Variants in RBFOX1 observed in about 807,000 individuals in gnomAD.
The protein encoded by RBFOX1 is RNA binding fox-1 homolog 1.
Under a neutral mutation model 57.7 loss-of-function variants are expected in RBFOX1, and 8 were observed. The ratio of observed to expected loss-of-function variants is 0.14; its 90% CI spans 0.08 to 0.25. RBFOX1 has a LOEUF of 0.25. RBFOX1 is among the 10% of genes least tolerant of loss of function. RBFOX1 has a pLI of 1.00. For missense variants in RBFOX1, 611 were observed against 548.5 expected (o/e 1.11, Z -1.14); for synonymous variants, 326 against 222.4 (o/e 1.47, Z -4.15).
chr16:5,690,232 C>T (rs1245696410), intron 3 of RBFOX1, among the ~76,000 whole-genome samples: 1 of 152,230 alleles, frequency 6.6e-6, no homozygotes, highest in African/African-American at 2.4e-5. Context: ...CCATGAGCTC[C>T]ACCTGAATGC....
chr16:7,054,603 G>T (rs1212392305), intron 4 of RBFOX1, among the ~76,000 whole-genome samples: 1 of 149,260 alleles, frequency 6.7e-6, no homozygotes, highest in Non-Finnish European at 1.5e-5. Flanking sequence ...GTAAATACCT[G>T]TCCATCTCAA....
intron 1 of RBFOX1, among the ~76,000 whole-genome samples, chr16:5,424,560 C>G (rs2067455477): frequency 6.7e-6 from 1 of 149,862 alleles, no homozygotes; most frequent in Non-Finnish European, 1.5e-5. Flanking sequence ...TATTTTATAG[C>G]TAACGCATGC....
At chr16:6,662,088 T>A (rs2098704875) in intron 3 of RBFOX1, among the ~76,000 whole-genome samples, 1 of 147,378 alleles carries the variant, frequency 6.8e-6, no homozygotes, top group Admixed American at 6.9e-5. Flanking sequence ...AAAGTGAAAC[T>A]CAAAGAAGCA....
At chr16:7,234,913 C>T (rs546316315) in intron 4 of RBFOX1, among the ~76,000 whole-genome samples, 52 of 152,148 alleles carry the variant, frequency 3.4e-4, no homozygotes, top group African/African-American at 1.2e-3. Context: ...CTCCCAATTC[C>T]ATTTTCAGAG....
chr16:7,378,609 A>C (rs1048185289), intron 4 of RBFOX1, among the ~76,000 whole-genome samples: 43 of 152,110 alleles, frequency 2.8e-4, no homozygotes, highest in Admixed American at 2.8e-3. Flanking sequence ...CATTAGGCAC[A>C]TTGTTTTTCT....
intron 4 of RBFOX1, among the ~76,000 whole-genome samples, chr16:7,393,891 A>G (rs1039519007): frequency 7.9e-5 from 12 of 152,166 alleles, no homozygotes; most frequent in Non-Finnish European, 1.8e-4. Context: ...CCACGTCAGC[A>G]GGAAGATGGT....
In RBFOX1 at chr16:6,873,848, C is replaced by G. The variant is rs539555213; in HGVS notation, c.-15-178209C>G. ...ACCGAGACTTTGAAACATTAAGTAA[C>G]TTGCATAAAGTCAGACAGCTAGGAA... On this transcript the variant is annotated intron_variant, in intron 3 of 15. Transcript: ENST00000550418. The G allele has an allele frequency of 7.2e-5, 11 of 152,222 alleles. No homozygotes were observed. The South Asian group carries it at 1.0e-3, about 14-fold the overall frequency. 9.4% of individuals were successfully genotyped at this position (152,222 alleles called of 1,614,324 possible). A position where few individuals can be genotyped will look rare whatever the true frequency, so the allele number is the denominator to read the frequency against.
intron 10 of RBFOX1, among the ~76,000 whole-genome samples, chr16:7,619,454 G>A (rs527541596): frequency 5.3e-5 from 8 of 152,126 alleles, no homozygotes; most frequent in East Asian, 1.9e-4. Flanking sequence ...GAAAGGTGAC[G>A]TGTATTTTCT....
chr16:6,587,763 AAC>A (rs748653560), intron 2 of RBFOX1, among the ~76,000 whole-genome samples: 8 of 152,224 alleles, frequency 5.3e-5, no homozygotes, highest in Non-Finnish European at 1.0e-4. Context: ...GAAAAATTAA[AAC>A]ACACAGTGAA....
chr16:7,590,442 T>C (rs2094382655), intron 7 of RBFOX1, among the ~76,000 whole-genome samples: 1 of 152,154 alleles, frequency 6.6e-6, no homozygotes, highest in African/African-American at 2.4e-5. Context: ...TTCGTAAGCA[T>C]TTAGGGGCGA....
intron 2 of RBFOX1, among the ~76,000 whole-genome samples, chr16:6,354,139 G>T (rs1265556231): frequency 1.3e-5 from 2 of 152,056 alleles, no homozygotes; most frequent in Non-Finnish European, 1.5e-5. Flanking sequence ...AGGATCGCTT[G>T]AACTCAGGAG....
intron 4 of RBFOX1, among the ~76,000 whole-genome samples, chr16:7,446,451 T>C (rs1480363517): frequency 2.6e-5 from 4 of 152,206 alleles, no homozygotes; most frequent in African/African-American, 7.2e-5. Flanking sequence ...CCCTCACTGT[T>C]GTGGGGTGAG....
intron 2 of RBFOX1, among the ~76,000 whole-genome samples, chr16:6,476,949 A>G (rs1228171503): frequency 2.6e-5 from 4 of 152,178 alleles, no homozygotes; most frequent in Non-Finnish European, 5.9e-5. Context: ...ATTCCATCTC[A>G]AGGAACCACT....
chr16:7,713,272 A>ACAAAC lies in RBFOX1; in HGVS notation c.*2529_*2530insAACCA, dbSNP rs2084263035. 1.3e-5 allele frequency: 2 copies of ACAAAC among 152,256 alleles called. No homozygotes were observed. The highest frequency in any genetic ancestry group is 2.9e-5 in the Non-Finnish European group (2 of 68,052). The allele number at this position is 152,256 out of a possible 1,614,324, so 9.4% of individuals were successfully genotyped here. On this transcript the variant is annotated 3_prime_UTR_variant, in exon 16 of 16. Coordinates refer to ENST00000550418, the MANE Select transcript of RBFOX1 (RefSeq NM_018723.4). ...TTAGAAATTAGTGTTTATATCACTTACAGTGGTTTGTGAATAAAGAAAACT... is the reference window on the plus strand; with the variant it reads ...TTAGAAATTAGTGTTTATATCACTTACAAACCAGTGGTTTGTGAATAAAGAAAACT...
chr16:6,825,316 C>A (rs897203726), intron 3 of RBFOX1, among the ~76,000 whole-genome samples: 1 of 151,162 alleles, frequency 6.6e-6, no homozygotes, highest in Non-Finnish European at 1.5e-5. Context: ...GCCCATGTTC[C>A]CCTGGGGACA....
chr16:7,569,973 A>AT (rs35218174), intron 5 of RBFOX1, among the ~76,000 whole-genome samples: 5 of 152,144 alleles, frequency 3.3e-5, no homozygotes, highest in African/African-American at 1.2e-4. Context: ...TTCACATGTC[A>AT]TTTTTTCAAA....
rs531374978 is a variant in RBFOX1, at chr16:6,924,362, G to A, written c.-15-127695G>A. On this transcript the variant is annotated intron_variant, in intron 3 of 15. Coordinates refer to ENST00000550418, the MANE Select transcript of RBFOX1 (RefSeq NM_018723.4). Reference sequence around the variant, plus strand: ...CATGTTGGGCAGGGAAGAGGAACACGCAAGAGAGAGGGGAGGAGGTGCCAG... The same window carrying A: ...CATGTTGGGCAGGGAAGAGGAACACACAAGAGAGAGGGGAGGAGGTGCCAG... Among the ~76,000 whole-genome samples the A allele has an allele frequency of 2.6e-4, 40 of 152,062 alleles. No individual in the cohort carries two copies. The South Asian group carries it at 2.7e-3, about 10-fold the overall frequency.
At chr16:5,748,835 C>G (rs555032916) in intron 3 of RBFOX1, among the ~76,000 whole-genome samples, 3 of 152,150 alleles carry the variant, frequency 2.0e-5, no homozygotes, top group Admixed American at 6.5e-5. Context: ...ATTTGCCAGT[C>G]TGTGTCTTTT....
At chr16:6,145,464 C>A (rs1032326519) in intron 1 of RBFOX1, among the ~76,000 whole-genome samples, 1 of 151,928 alleles carries the variant, frequency 6.6e-6, no homozygotes, top group Admixed American at 6.6e-5. Context: ...GATTCCATGT[C>A]TTTGCTATTG....
Sources: gnomAD v4.1 joint callset for allele counts (sites outside exome capture counted in the v4.1 genomes callset) on GRCh38, gnomAD v4.1.1 for gene constraint, MANE v1.5 for transcripts, NCBI Gene and HGNC (gene_info 2026-07-23, HGNC 2026-07-21) for gene names.